MIR17HG: variants seen among roughly 807,000 people sequenced by gnomAD.
The protein encoded by MIR17HG is miR-17-92a-1 cluster host gene, also known as MIR17 host gene (non-protein coding).
In MIR17HG at chr13:91,350,847, A is replaced by C. The variant is rs371849725; in HGVS notation, n.284+621A>C. The C allele has an allele frequency of 8.7e-4, 465 of 534,754 alleles. 2 individuals are homozygous for C. The highest frequency in any genetic ancestry group is 8.2e-3 in the African/African-American group (427 of 52,082). The allele number at this position is 534,754 out of a possible 1,614,324, so 33.1% of individuals were successfully genotyped here. A position where few individuals can be genotyped will look rare whatever the true frequency, so the allele number is the denominator to read the frequency against. The stretch of plus-strand genomic sequence containing the variant: ...TAAGAAGTTATGTATTCATCCAATA[A>C]TTCAAGCCAAGCAAGTATATAGGTG... On this transcript the variant is annotated intron_variant and non_coding_transcript_variant, in intron 3 of 3. Coordinates refer to ENST00000400282, the Ensembl canonical transcript of MIR17HG.
intron 3 of MIR17HG, chr13:91,350,968 CCTG>C (rs1191043145): frequency 5.7e-6 from 3 of 529,884 alleles, no homozygotes; most frequent in Admixed American, 1.9e-5. Flanking sequence ...CTGATGGTGG[CCTG>C]CTATTTCCTT....
chr13:91,352,178 A>G (rs2138694154), intron 3 of MIR17HG: 1 of 152,322 alleles, frequency 6.6e-6, no homozygotes, highest in Non-Finnish European at 1.5e-5. Context: ...CGTAAGCCAG[A>G]CTTTGGCAAC....
intron 1 of MIR17HG, among the ~76,000 whole-genome samples, chr13:91,348,698 C>A (rs1313452568): frequency 2.0e-5 from 3 of 150,600 alleles, no homozygotes; most frequent in Non-Finnish European, 4.4e-5. Context: ...CGGCGTGGAG[C>A]CGCCTGCGCC....
At chr13:91,347,926 G>GGCCA (rs1468375997) in exon 1 of MIR17HG, 1 of 151,232 alleles carries the variant, frequency 6.6e-6, no homozygotes, top group Non-Finnish European at 1.5e-5. Context: ...GCCCGCGGCC[G>GGCCA]GCCAGCCGAA....
At chr13:91,354,267 A>G (rs537168501) in exon 4 of MIR17HG, 2 of 152,352 alleles carry the variant, frequency 1.3e-5, no homozygotes, top group African/African-American at 4.8e-5. Context: ...ACATCTTATT[A>G]AAGTCGAAAT....
chr13:91,348,255 C>G (rs1875068225), intron 1 of MIR17HG, among the ~76,000 whole-genome samples: 1 of 149,876 alleles, frequency 6.7e-6, no homozygotes, highest in Admixed American at 6.6e-5. Flanking sequence ...TGGGCCGACC[C>G]GAAGGCGGGT....
chr13:91,354,252 G>C (rs1875463741), exon 4 of MIR17HG: 1 of 152,160 alleles, frequency 6.6e-6, no homozygotes, highest in South Asian at 2.1e-4. Context: ...GTGGTTGTAT[G>C]AGTTACATCT....
chr13:91,351,188 T>C (rs1002349918), intron 3 of MIR17HG: 5 of 527,102 alleles, frequency 9.5e-6, no homozygotes, highest in Non-Finnish European at 2.0e-5. Flanking sequence ...GTCCTGTTAC[T>C]GAACACTGTT....
exon 4 of MIR17HG, chr13:91,354,293 C>T (rs1203336927): frequency 6.6e-6 from 1 of 152,070 alleles, no homozygotes; most frequent in Non-Finnish European, 1.5e-5. Flanking sequence ...TAGTTTTCTG[C>T]CTTGATAACA....
rs763238033 is a variant in MIR17HG, at chr13:91,351,358, T to C, written n.284+1132T>C. The C allele has an allele frequency of 1.1e-5, 6 of 530,778 alleles. No homozygotes were observed. The Admixed American group carries it at 1.2e-4, about 10-fold the overall frequency. The allele number at this position is 530,778 out of a possible 1,614,324, so 32.9% of individuals were successfully genotyped here. On this transcript the variant is annotated intron_variant and non_coding_transcript_variant, in intron 3 of 3. Coordinates refer to ENST00000400282, the Ensembl canonical transcript of MIR17HG. The stretch of plus-strand genomic sequence containing the variant: ...TCGGTTGCAATGCTGTGTTTCTGTA[T>C]GGTATTGCACTTGTCCCGGCCTGTT...
At chr13:91,351,212 T>G (rs1259633726) in intron 3 of MIR17HG, 1 of 527,562 alleles carries the variant, frequency 1.9e-6, no homozygotes, top group African/African-American at 1.9e-5. Context: ...TGGTTAGTTT[T>G]GCAGGTTTGC....
chr13:91,350,440 C>T (rs1875243064), intron 3 of MIR17HG: 1 of 373,088 alleles, frequency 2.7e-6, no homozygotes, highest in South Asian at 2.0e-5. Context: ...AAATGGACCT[C>T]ATATCTTTGA....
At chr13:91,348,686 C>G (rs1237386289) in intron 1 of MIR17HG, among the ~76,000 whole-genome samples, 1 of 150,644 alleles carries the variant, frequency 6.6e-6, no homozygotes, top group Admixed American at 6.6e-5. Context: ...CGGCCTCAGC[C>G]GCGGCGTGGA....
At chr13:91,351,899 C>G (rs1875336418) in intron 3 of MIR17HG, 1 of 154,804 alleles carries the variant, frequency 6.5e-6, no homozygotes, top group African/African-American at 2.4e-5. Flanking sequence ...ACATGAGTAA[C>G]TGAAGTGTAA....
chr13:91,350,592 A>C (rs758777864), intron 3 of MIR17HG: 1 of 534,062 alleles, frequency 1.9e-6, no homozygotes, highest in Non-Finnish European at 3.8e-6. Flanking sequence ...TGTAAAACTG[A>C]AGATTGTGAC....
At chr13:91,350,732 G>A (rs1875267285) in intron 3 of MIR17HG, 5 of 534,074 alleles carry the variant, frequency 9.4e-6, no homozygotes, top group Non-Finnish European at 1.2e-5. Context: ...TGCAGGGCCT[G>A]CTGATGTTGA....
intron 3 of MIR17HG, chr13:91,350,940 GTGCAAATCTA>G: frequency 1.9e-6 from 1 of 534,240 alleles, no homozygotes; most frequent in South Asian, 1.4e-5. Flanking sequence ...GAATGTAGTT[GTGCAAATCTA>G]TGCAAAACTG....
chr13:91,352,348 G>A (rs1363150546), intron 3 of MIR17HG: 1 of 152,056 alleles, frequency 6.6e-6, no homozygotes, highest in East Asian at 1.9e-4. Context: ...TGGGATACCT[G>A]AATAATAGAT....
chr13:91,351,628 A>G (rs1267408439), intron 3 of MIR17HG: 6 of 314,922 alleles, frequency 1.9e-5, no homozygotes, highest in South Asian at 1.6e-4. Context: ...AAGTATTGCG[A>G]TATGACTAAA....
Sources: allele counts gnomAD v4.1 joint callset (sites outside exome capture counted in the v4.1 genomes callset), GRCh38; gene constraint gnomAD v4.1.1; transcripts MANE v1.5; gene names NCBI Gene and HGNC (gene_info 2026-07-23, HGNC 2026-07-21).